The following HPSE2 variants were observed in gnomAD, a reference collection of about 807,000 sequenced individuals.
HPSE2 encodes the protein inactive heparanase-2.
In HPSE2, 38 loss-of-function variants were observed where a neutral mutation model predicts 60.5. The observed-to-expected ratio is 0.63, with a 90% CI of 0.48 to 0.82. The LOEUF (loss-of-function observed/expected upper bound fraction) is 0.82. HPSE2 is among the 40% of genes least tolerant of loss of function. The pLI is 0.00. For synonymous variants in HPSE2, 295 were observed against 293.2 expected (o/e 1.01, Z -0.06); for missense variants, 713 against 740.4 (o/e 0.96, Z 0.43).
At chr10:99,162,904 C>T (rs1331952184) in intron 2 of HPSE2, among the ~76,000 whole-genome samples, 3 of 152,112 alleles carry the variant, frequency 2.0e-5, no homozygotes, top group Non-Finnish European at 4.4e-5. Context: ...ATTCAGCATA[C>T]CATCTTTGGA....
In HPSE2 at chr10:98,555,857, T is replaced by A. The variant is rs141631950; in HGVS notation, c.1320+59047A>T. On this transcript the variant is annotated intron_variant, in intron 9 of 11. Coordinates refer to ENST00000370552, the MANE Select transcript of HPSE2 (RefSeq NM_021828.5). The stretch of plus-strand genomic sequence containing the variant: ...TATCAATGAAGCAAGTAAACAGCCA[T>A]AATACCAAGCACCATAATTACAAAG... 3.8e-3 allele frequency among the ~76,000 whole-genome samples: 578 copies of A among 152,244 alleles called. 6 individuals are homozygous for A. The highest frequency in any genetic ancestry group is 0.013 in the African/African-American group (539 of 41,536).
intron 4 of HPSE2, among the ~76,000 whole-genome samples, chr10:98,729,950 A>T (rs887028226): frequency 2.0e-5 from 3 of 152,190 alleles, no homozygotes; most frequent in African/African-American, 4.8e-5. Context: ...GGATAAAAAA[A>T]TCAGCAAGAA....
chr10:98,985,088 T>G (rs1184440630), intron 3 of HPSE2, among the ~76,000 whole-genome samples: 2 of 152,090 alleles, frequency 1.3e-5, no homozygotes, highest in East Asian at 1.9e-4. Context: ...TCCAGGAGAA[T>G]TTCCCCAATC....
intron 9 of HPSE2, among the ~76,000 whole-genome samples, chr10:98,541,288 A>G (rs1943449106): frequency 6.6e-6 from 1 of 152,204 alleles, no homozygotes; most frequent in East Asian, 1.9e-4. Flanking sequence ...ATTTATTAAA[A>G]CATCGCAATT....
intron 9 of HPSE2, among the ~76,000 whole-genome samples, chr10:98,589,948 T>C (rs1945042454): frequency 1.3e-5 from 2 of 152,196 alleles, no homozygotes; most frequent in Non-Finnish European, 2.9e-5. Context: ...GATTCAACTA[T>C]CCAGATATTC....
At chr10:98,498,019 A>G (rs1307266387) in intron 9 of HPSE2, among the ~76,000 whole-genome samples, 1 of 152,218 alleles carries the variant, frequency 6.6e-6, no homozygotes, top group Non-Finnish European at 1.5e-5. Context: ...TTGATCCGAA[A>G]GACAAACACT....
At chr10:99,287,834 A>G in the HPSE2 span, among the ~76,000 whole-genome samples, 1 of 152,214 alleles carries the variant, frequency 6.6e-6, no homozygotes, top group African/African-American at 2.4e-5. Context: ...CTGGTAAATA[A>G]GAAAGCTAGT....
chr10:99,150,395 C>T (rs1415671639), intron 2 of HPSE2, among the ~76,000 whole-genome samples: 1 of 152,094 alleles, frequency 6.6e-6, no homozygotes, highest in Admixed American at 6.5e-5. Context: ...GCATAGCCCA[C>T]CACAGCTCGA....
At chr10:99,013,544 T>C in intron 3 of HPSE2, 1 of 245,736 alleles carries the variant, frequency 4.1e-6, no homozygotes, top group Middle Eastern at 1.5e-3. Context: ...CGATCACAGC[T>C]CACTGCAACC....
rs768487903 is a variant in HPSE2, at chr10:99,235,711, A to G, written c.92T>C (p.Leu31Pro). Reference protein sequence around the residue: ...CLAPGALYLALLLHLSLSSQA... With the variant: ...CLAPGALYLAPLLHLSLSSQA... ...GGAGGAAAGGGAGAGATGGAGCAACAGAGCCAAGTAGAGAGCCCCCGGGGC... is the reference window on the plus strand; with the variant it reads ...GGAGGAAAGGGAGAGATGGAGCAACGGAGCCAAGTAGAGAGCCCCCGGGGC... Residue 31 changes from leucine (L) to proline (P), a missense_variant, in exon 1 of 12, where the codon CTG becomes CCG. Physicochemically the swap from Leu to Pro is moderately conservative, Grantham distance 98 (BLOSUM62 -3). Transcript: ENST00000370552. 1 of 1,614,060 alleles carries G rather than the reference A, an allele frequency of 6.2e-7. No homozygotes were observed. The highest frequency in any genetic ancestry group is 1.7e-5 in the Admixed American group (1 of 60,012).
intron 9 of HPSE2, among the ~76,000 whole-genome samples, chr10:98,611,933 C>T (rs1446999110): frequency 6.6e-6 from 1 of 152,170 alleles, no homozygotes; most frequent in Non-Finnish European, 1.5e-5. Flanking sequence ...GAGCTCTGCT[C>T]CACCATGTAT....
chr10:98,541,161 T>A (rs886283468), intron 9 of HPSE2, among the ~76,000 whole-genome samples: 2 of 152,360 alleles, frequency 1.3e-5, no homozygotes, highest in Admixed American at 1.3e-4. Flanking sequence ...GGCTTTAACC[T>A]TATGCTATCC....
intron 2 of HPSE2, among the ~76,000 whole-genome samples, chr10:99,198,194 T>C (rs1465143245): frequency 6.6e-6 from 1 of 152,208 alleles, no homozygotes; most frequent in East Asian, 1.9e-4. Context: ...TTACTAATTA[T>C]GTCATTTCAC....
intron 3 of HPSE2, among the ~76,000 whole-genome samples, chr10:98,756,304 G>C (rs1191767006): frequency 6.6e-6 from 1 of 151,960 alleles, no homozygotes; most frequent in South Asian, 2.1e-4. Context: ...GCTAGCAGAA[G>C]AAAATAAATA....
intron 3 of HPSE2, among the ~76,000 whole-genome samples, chr10:99,102,075 G>C (rs1417562940): frequency 1.3e-5 from 2 of 152,034 alleles, no homozygotes; most frequent in Admixed American, 6.6e-5. Flanking sequence ...ATTAGAACTA[G>C]AGAAGCAAGA....
At chr10:99,272,531 C>G in the HPSE2 span, among the ~76,000 whole-genome samples, 1 of 151,684 alleles carries the variant, frequency 6.6e-6, no homozygotes, top group Non-Finnish European at 1.5e-5. Context: ...ATACATCTGA[C>G]AAAGGACTGA....
chr10:98,586,175 T>C (rs1944935517), intron 9 of HPSE2, among the ~76,000 whole-genome samples: 1 of 152,196 alleles, frequency 6.6e-6, no homozygotes, highest in South Asian at 2.1e-4. Context: ...TACAATAGAA[T>C]TGCCAGGTTC....
intron 3 of HPSE2, among the ~76,000 whole-genome samples, chr10:98,808,426 A>G (rs959191131): frequency 6.6e-6 from 1 of 152,158 alleles, no homozygotes; most frequent in Non-Finnish European, 1.5e-5. Flanking sequence ...CATCCAGCCT[A>G]TTTAATGCAA....
At chr10:98,975,824 C>T (rs1002337645) in intron 3 of HPSE2, among the ~76,000 whole-genome samples, 2 of 151,980 alleles carry the variant, frequency 1.3e-5, no homozygotes, top group African/African-American at 2.4e-5. Flanking sequence ...TGTTGGACAT[C>T]GGGGGTTCTT....
Sources: allele counts gnomAD v4.1 joint callset (sites outside exome capture counted in the v4.1 genomes callset), GRCh38; gene constraint gnomAD v4.1.1; transcripts MANE v1.5; gene names NCBI Gene and HGNC (gene_info 2026-07-23, HGNC 2026-07-21).